ANGEL1: variants seen among roughly 807,000 people sequenced by gnomAD.
ANGEL1 encodes RNA 2',3'-cyclic phosphatase ANGEL1.
In ANGEL1, 62 loss-of-function variants were observed where a neutral mutation model predicts 76.4. The observed-to-expected ratio is 0.81, with a 90% CI of 0.66 to 1.00. The LOEUF is 1.00. Among genes scored for constraint, ANGEL1 ranks in the 50% least tolerant of loss-of-function variants. ANGEL1 has a pLI of 0.00. For missense variants in ANGEL1, 737 were observed against 836.7 expected (o/e 0.88, Z 1.47); for synonymous variants, 340 against 331.7 (o/e 1.03, Z -0.27).
chr14:76,808,349 G>C (rs1261054689), intron 2 of ANGEL1, among the ~76,000 whole-genome samples: 5 of 152,134 alleles, frequency 3.3e-5, no homozygotes, highest in African/African-American at 1.2e-4. Context: ...AGACAATCTT[G>C]GCCTGCTCAC....
intron 9 of ANGEL1, among the ~76,000 whole-genome samples, chr14:76,790,206 T>C (rs1894363089): frequency 6.6e-6 from 1 of 151,818 alleles, no homozygotes; most frequent in South Asian, 2.1e-4. Flanking sequence ...AAAGAAACAT[T>C]CTTTACACAA....
chr14:76,789,748 G>A (rs912039607), intron 9 of ANGEL1, among the ~76,000 whole-genome samples: 9 of 149,974 alleles, frequency 6.0e-5, no homozygotes, highest in Non-Finnish European at 8.9e-5. Context: ...AGGCTGGAGT[G>A]CAGTGGCGCA....
chr14:76,808,661 T>C lies in ANGEL1; in HGVS notation c.649+398A>G, dbSNP rs187160305. 2.6e-5 allele frequency among the ~76,000 whole-genome samples: 4 copies of C among 152,272 alleles called. No homozygotes were observed. In the East Asian group the frequency reaches 7.7e-4, roughly 29 times the overall value. Reference sequence around the variant, plus strand: ...TTCAAATTTTAACGGACTCTCAATATACAACACAAATAAAACTGAGGTAAT... The same window carrying C: ...TTCAAATTTTAACGGACTCTCAATACACAACACAAATAAAACTGAGGTAAT... On this transcript the variant is annotated intron_variant, in intron 2 of 9. Transcript: ENST00000251089.
chr14:76,804,863 A>C (rs1259184146), intron 5 of ANGEL1, among the ~76,000 whole-genome samples: 1 of 152,110 alleles, frequency 6.6e-6, no homozygotes, highest in Non-Finnish European at 1.5e-5. Context: ...TACAAAAATC[A>C]GCCGAGCATG....
intron 9 of ANGEL1, among the ~76,000 whole-genome samples, chr14:76,789,882 A>G (rs1386897199): frequency 8.5e-6 from 1 of 117,162 alleles, no homozygotes; most frequent in Admixed American, 8.1e-5. Context: ...TTTTTTTTTT[A>G]AGACGGAGTT....
intron 7 of ANGEL1, among the ~76,000 whole-genome samples, chr14:76,796,405 G>A (rs553467306): frequency 1.3e-5 from 2 of 151,578 alleles, no homozygotes; most frequent in East Asian, 1.9e-4. Context: ...ATGCCACTAC[G>A]CCAGGCTAAT....
intron 7 of ANGEL1, among the ~76,000 whole-genome samples, chr14:76,800,145 G>A (rs1331661867): frequency 6.6e-6 from 1 of 152,056 alleles, no homozygotes; most frequent in Non-Finnish European, 1.5e-5. Flanking sequence ...TATTTTAAAG[G>A]TCTTGGTTTA....
chr14:76,812,129 T>C (rs928806593), intron 1 of ANGEL1, among the ~76,000 whole-genome samples: 4 of 152,246 alleles, frequency 2.6e-5, no homozygotes, highest in Non-Finnish European at 5.9e-5. Context: ...CTTTGAGGTA[T>C]CGACTGGGCA....
intron 9 of ANGEL1, among the ~76,000 whole-genome samples, 177 bp downstream of exon 9, chr14:76,790,434 G>A (rs991825702): frequency 1.3e-5 from 2 of 152,170 alleles, no homozygotes; most frequent in African/African-American, 4.8e-5. Context: ...AAAGAGACAA[G>A]GCAGGCAAGT....
Position 76,812,750 on chromosome 14 carries a change from C to T in ANGEL1, c.64+14G>A, listed in dbSNP as rs1450836677. On this transcript the variant is annotated intron_variant, in intron 1 of 9. Transcript: ENST00000251089. ...CTGGCCGGGCTCCTGTCTGTCGGTA[C>T]GCCTGGCCGGTACCTGAGAGGGCGC... 6.6e-6 allele frequency: 10 copies of T among 1,513,734 alleles called. No homozygotes were observed. Among genetic ancestry groups the T allele is most frequent in the Non-Finnish European group, 8.8e-6 (10 of 1,135,744 alleles). The allele number at this position is 1,513,734 out of a possible 1,614,324, so 93.8% of individuals were successfully genotyped here.
At position 76,808,074 on chromosome 14, in the gene ANGEL1, G is replaced by A; in HGVS notation, c.724C>T (p.Gln242Ter). Residue 242 changes from glutamine to a stop codon, truncating the protein, a stop_gained, in exon 3 of 10, where the codon CAG becomes TAG. Coordinates refer to ENST00000251089, the MANE Select transcript of ANGEL1 (RefSeq NM_015305.4). LOFTEE classifies it high-confidence loss of function. ...TAAGACATCAGAGTGAACTGGAACTGAGGGCCATCTCCTGCCTTCAGGCCC... is the reference window on the plus strand; with the variant it reads ...TAAGACATCAGAGTGAACTGGAACTAAGGGCCATCTCCTGCCTTCAGGCCC... ...AQGLKAGDGP[Q>*]FQFTLMSYNI... is the part of the protein sequence containing the mutation. The A allele has an allele frequency of 3.7e-6, 6 of 1,614,088 alleles. No homozygotes were observed. Among genetic ancestry groups the A allele is most frequent in the Non-Finnish European group, 3.4e-6 (4 of 1,180,044 alleles).
intron 1 of ANGEL1, chr14:76,810,149 C>G (rs1328146948): frequency 2.2e-6 from 1 of 453,738 alleles, no homozygotes; most frequent in Non-Finnish European, 4.4e-6. Flanking sequence ...GACAAGAGGC[C>G]AGGCGTGGTG....
intron 1 of ANGEL1, among the ~76,000 whole-genome samples, chr14:76,811,877 T>G (rs1895097503): frequency 1.3e-5 from 2 of 152,210 alleles, no homozygotes. Context: ...ATATATATTA[T>G]CAATGACACA....
intron 8 of ANGEL1, 68 bp downstream of exon 8, chr14:76,791,229 A>G (rs1031968639): frequency 3.6e-5 from 56 of 1,548,364 alleles, no homozygotes; most frequent in East Asian, 4.5e-5. Flanking sequence ...AGGACAACCA[A>G]TGGGAATCTC....
chr14:76,805,474 C>A (rs150922174), intron 5 of ANGEL1, among the ~76,000 whole-genome samples: 30 of 152,342 alleles, frequency 2.0e-4, no homozygotes, highest in African/African-American at 7.2e-4. Flanking sequence ...AACAGTAATA[C>A]AATCGTTTTG....
chr14:76,789,423 A>T (rs1193504405), intron 9 of ANGEL1, 35 bp from the exon 10 acceptor site: 1 of 1,611,520 alleles, frequency 6.2e-7, no homozygotes, highest in Admixed American at 1.7e-5. Context: ...GGGTAAAAGC[A>T]GCCGCAGCCA....
chr14:76,804,339 G>A (rs761425015), intron 5 of ANGEL1: 13 of 1,075,168 alleles, frequency 1.2e-5, no homozygotes, highest in Non-Finnish European at 1.5e-5. Context: ...GTAACCACAG[G>A]GTCAAACCAA....
At position 76,807,982 on chromosome 14, in the gene ANGEL1, G is replaced by C; in HGVS notation, c.816C>G (p.Ile272Met). 6.2e-7 allele frequency: 1 copy of C among 1,614,182 alleles called. No individual in the cohort carries two copies. The highest frequency in any genetic ancestry group is 8.5e-7 in the Non-Finnish European group (1 of 1,180,040). ...SELYLHCHPD[I>M]LNWNYRFVNL... ...TCACGAAGCGATAGTTCCAATTGAG[G>C]ATGTCTGGATGGCAATGTAGATAGA... Residue 272 changes from isoleucine to methionine, a missense_variant, in exon 3 of 10, where the codon ATC becomes ATG. Transcript: ENST00000251089.
chr14:76,804,483 G>A (rs1404926742), intron 5 of ANGEL1: 2 of 984,886 alleles, frequency 2.0e-6, no homozygotes, highest in Non-Finnish European at 2.4e-6. Context: ...TCTCCAACGT[G>A]TGTAGCAAAA....
Sources: gnomAD v4.1 joint callset for allele counts (sites outside exome capture counted in the v4.1 genomes callset) on GRCh38, gnomAD v4.1.1 for gene constraint, MANE v1.5 for transcripts, NCBI Gene and HGNC (gene_info 2026-07-23, HGNC 2026-07-21) for gene names.